The following CLN6 variants were observed in gnomAD, a reference collection of about 807,000 sequenced individuals.
The protein encoded by CLN6 is CLN6 transmembrane ER protein.
A neutral mutation model predicts 33.3 loss-of-function variants in CLN6; 22 were observed. The observed-to-expected ratio is 0.66, with a 90% CI of 0.47 to 0.94. The LOEUF (loss-of-function observed/expected upper bound fraction) is 0.94. Ranked by LOEUF, CLN6 falls within the 40% of genes least tolerant of loss-of-function variation. The probability of loss-of-function intolerance (pLI) is 0.00; values close to 1 mark genes in which losing one functional copy is unlikely to be tolerated. For synonymous variants in CLN6, 201 were observed against 174.6 expected (o/e 1.15, Z -1.19); for missense variants, 387 against 417.1 (o/e 0.93, Z 0.63).
At position 68,208,038 on chromosome 15, in the gene CLN6, G is replaced by C. The variant is rs965994980; in HGVS notation, c.*102C>G. ...CGAGGCACACCCCACTCATGCTCTC[G>C]GTCTCTGGTTACACACCCACACCCC... On this transcript the variant is annotated 3_prime_UTR_variant, in exon 7 of 7. Coordinates refer to ENST00000249806, the MANE Select transcript of CLN6 (RefSeq NM_017882.3). The surrounding 1 kb of genome is among the most constrained non-coding windows in gnomAD (Gnocchi z 5.8). 6.9e-6 allele frequency: 9 copies of C among 1,299,206 alleles called. No homozygotes were observed. Among genetic ancestry groups the C allele is most frequent in the Non-Finnish European group, 9.7e-6 (9 of 927,748 alleles). 80.5% of individuals were successfully genotyped at this position (1,299,206 alleles called of 1,614,324 possible).
chr15:68,215,658 A>G (rs2093218708), intron 2 of CLN6: 1 of 152,156 alleles, frequency 6.6e-6, no homozygotes, highest in South Asian at 2.1e-4. Flanking sequence ...TATTTGTAAA[A>G]ACAGGGTCTT....
chr15:68,257,178 C>T (rs944242766), upstream of CLN6: 4 of 277,436 alleles, frequency 1.4e-5, no homozygotes, highest in Non-Finnish European at 2.7e-5. Context: ...CGCACGCGCC[C>T]GGCGTCGCTG....
rs150170017 is a variant in CLN6, at chr15:68,219,099, T to C, written c.84-449A>G. 3.9e-5 allele frequency among the ~76,000 whole-genome samples: 6 copies of C among 152,328 alleles called. No individual in the cohort carries two copies. The East Asian group carries it at 9.6e-4, about 24-fold the overall frequency. The stretch of plus-strand genomic sequence containing the variant: ...ACAGAAACCTTTCAAGGCTGAAATA[T>C]TACCTCCATTTTAGAAACGAAAAAA... On this transcript the variant is annotated intron_variant, in intron 1 of 6. Coordinates refer to ENST00000249806, the MANE Select transcript of CLN6 (RefSeq NM_017882.3). This position sits in a 1 kb window ranked among gnomAD's most constrained non-coding sequence, Gnocchi z 4.2.
Position 68,229,703 on chromosome 15 carries a change from G to A in CLN6, c.-119C>T. On this transcript the variant is annotated 5_prime_UTR_variant, in exon 1 of 7. Transcript: ENST00000249806. Reference sequence around the variant, plus strand: ...GGGGCGGTTCGGGGCGGGCCGGCGAGAGCGCGCGGCCCTCGGGAGGAACAG... The same window carrying A: ...GGGGCGGTTCGGGGCGGGCCGGCGAAAGCGCGCGGCCCTCGGGAGGAACAG... 3 of 745,772 alleles carry A rather than the reference G, an allele frequency of 4.0e-6. No homozygotes were observed. The highest frequency in any genetic ancestry group is 5.6e-6 in the Non-Finnish European group (3 of 532,330). 46.2% of individuals were successfully genotyped at this position (745,772 alleles called of 1,614,324 possible). A position where few individuals can be genotyped will look rare whatever the true frequency, so the allele number is the denominator to read the frequency against.
chr15:68,237,171 A>G (rs1192919971), intron 1 of CLN6, among the ~76,000 whole-genome samples: 1 of 146,730 alleles, frequency 6.8e-6, no homozygotes, highest in Non-Finnish European at 1.5e-5. Flanking sequence ...CTCAAAAAAA[A>G]AAAAAAAAAA....
chr15:68,211,617 C>G lies in CLN6; in HGVS notation c.486+58G>C. 1 of 1,608,442 alleles carries G rather than the reference C, an allele frequency of 6.2e-7. No individual in the cohort carries two copies. Among genetic ancestry groups the G allele is most frequent in the Non-Finnish European group, 8.5e-7 (1 of 1,179,944 alleles). On this transcript the variant is annotated intron_variant, in intron 4 of 6. Transcript: ENST00000249806. The surrounding 1 kb of genome is among the most constrained non-coding windows in gnomAD (Gnocchi z 5.9). ...GAGGGGTGGGGGCCATTTCTTCAGC[C>G]TCCCAGGACAGACTGTGCTCCTAGG... is the stretch of plus-strand genomic sequence containing the variant.
At position 68,208,855 on chromosome 15, in the gene CLN6, G is replaced by C. The variant is rs1207459631; in HGVS notation, c.666-445C>G. Among the ~76,000 whole-genome samples, 1 of 152,190 alleles carries C rather than the reference G, an allele frequency of 6.6e-6. No homozygotes were observed. Among genetic ancestry groups the C allele is most frequent in the Non-Finnish European group, 1.5e-5 (1 of 68,034 alleles). On this transcript the variant is annotated intron_variant, in intron 6 of 6. Coordinates refer to ENST00000249806, the MANE Select transcript of CLN6 (RefSeq NM_017882.3). This position sits in a 1 kb window ranked among gnomAD's most constrained non-coding sequence, Gnocchi z 5.8. ...TGCCACCCATTCTTTTTAATCCCCA[G>C]AGAGCATACAGATGAGCCCCAGTGG...
chr15:68,210,732 G>T lies in CLN6; in HGVS notation c.542+531C>A, dbSNP rs1204288483. On this transcript the variant is annotated intron_variant, in intron 5 of 6. Transcript: ENST00000249806. This position sits in a 1 kb window ranked among gnomAD's most constrained non-coding sequence, Gnocchi z 5.6. ...CCCGACTGAGGGACGGGGTAGGTAG[G>T]AAAAGGTGCCCCTCTGGGAGTTCTG... 6.6e-6 allele frequency among the ~76,000 whole-genome samples: 1 copy of T among 152,170 alleles called. No homozygotes were observed. Among genetic ancestry groups the T allele is most frequent in the Non-Finnish European group, 1.5e-5 (1 of 68,020 alleles).
At chr15:68,233,377 C>T (rs933407265), upstream of CLN6, among the ~76,000 whole-genome samples, 13 of 152,224 alleles carry the variant, frequency 8.5e-5, no homozygotes, top group African/African-American at 2.6e-4. The surrounding 1 kb of genome is among the most constrained non-coding windows in gnomAD (Gnocchi z 4.3). Flanking sequence ...CTTATGGTTA[C>T]AAGGCCGTGG....
At chr15:68,251,005 C>T (rs1231717298) in intron 1 of CLN6, among the ~76,000 whole-genome samples, 1 of 151,998 alleles carries the variant, frequency 6.6e-6, no homozygotes, top group Non-Finnish European at 1.5e-5. Flanking sequence ...AGACCAGAAT[C>T]TCTGATGAAC....
rs779685727 is a variant in CLN6, at chr15:68,211,315, C to G, written c.490G>C (p.Asp164His). Residue 164 changes from aspartate (D) to histidine (H), a missense_variant, in exon 5 of 7, where the codon GAC becomes CAC. Coordinates refer to ENST00000249806, the MANE Select transcript of CLN6 (RefSeq NM_017882.3). The surrounding 1 kb of genome is among the most constrained non-coding windows in gnomAD (Gnocchi z 5.9). ...IKNLKPETLI[D>H]SFELLYYYDE... ...TAATAGTAGAGCAGCTCAAAGGAGT[C>G]GATCTGAGGGAGGAACGGGCAGGGC... 1.2e-6 allele frequency: 2 copies of G among 1,613,926 alleles called. No homozygotes were observed. Among genetic ancestry groups the G allele is most frequent in the East Asian group, 2.2e-5 (1 of 44,878 alleles).
chr15:68,244,643 GAACA>G (rs1168914217), intron 1 of CLN6, among the ~76,000 whole-genome samples: 1 of 152,030 alleles, frequency 6.6e-6, no homozygotes, highest in African/African-American at 2.4e-5. Flanking sequence ...GTAAAATTAA[GAACA>G]AAGACAACCC....
Position 68,211,475 on chromosome 15 carries a change from G to T in CLN6, c.487-157C>A. 3 of 1,543,096 alleles carry T rather than the reference G, an allele frequency of 1.9e-6. No individual in the cohort carries two copies. The highest frequency in any genetic ancestry group is 3.6e-5 in the Admixed American group (2 of 55,746). On this transcript the variant is annotated intron_variant, in intron 4 of 6. Transcript: ENST00000249806. The surrounding 1 kb of genome is among the most constrained non-coding windows in gnomAD (Gnocchi z 5.9). The stretch of plus-strand genomic sequence containing the variant: ...CGGGGCCTCGCCTTCTGTTACAGGG[G>T]CCCAGGTGGGAGGCAGTCTGTGCAC...
chr15:68,211,646 T>A lies in CLN6; in HGVS notation c.486+29A>T, dbSNP rs2093205519. The A allele has an allele frequency of 6.2e-7, 1 of 1,612,128 alleles. No homozygotes were observed. Among genetic ancestry groups the A allele is most frequent in the African/African-American group, 1.3e-5 (1 of 74,896 alleles). The stretch of plus-strand genomic sequence containing the variant: ...CAGGACAGACTGTGCTCCTAGGGCT[T>A]ACAGGCAGGGAGCAGGAGGTGGCCT... On this transcript the variant is annotated intron_variant, in intron 4 of 6. Transcript: ENST00000249806. The surrounding 1 kb of genome is among the most constrained non-coding windows in gnomAD (Gnocchi z 5.9).
intron 1 of CLN6, among the ~76,000 whole-genome samples, chr15:68,243,152 G>C (rs1892293549): frequency 6.6e-6 from 1 of 152,184 alleles, no homozygotes; most frequent in Non-Finnish European, 1.5e-5. Context: ...TAACCTAAAA[G>C]AGTAATGGAA....
At chr15:68,245,492 G>T (rs1892321920) in intron 1 of CLN6, among the ~76,000 whole-genome samples, 1 of 152,038 alleles carries the variant, frequency 6.6e-6, no homozygotes, top group Non-Finnish European at 1.5e-5. Flanking sequence ...CTGAGTCGAG[G>T]GAAGTTGAGG....
Position 68,227,080 on chromosome 15 carries a change from C to T in CLN6, c.83+2422G>A, listed in dbSNP as rs1261255646. Among the ~76,000 whole-genome samples the T allele has an allele frequency of 6.6e-6, 1 of 151,474 alleles. No homozygotes were observed. Among genetic ancestry groups the T allele is most frequent in the East Asian group, 1.9e-4 (1 of 5,164 alleles). Reference sequence around the variant, plus strand: ...TTTTTGAGACAGTCTCACTGTCATCCAGGCTGGAGTGCAGTGGCGCCATCT... The same window carrying T: ...TTTTTGAGACAGTCTCACTGTCATCTAGGCTGGAGTGCAGTGGCGCCATCT... On this transcript the variant is annotated intron_variant, in intron 1 of 6. Transcript: ENST00000249806. This position sits in a 1 kb window ranked among gnomAD's most constrained non-coding sequence, Gnocchi z 4.1.
rs1853967816 is a variant in CLN6 at position 68,220,102 on chromosome 15, G to A, written c.84-1452C>T. Among the ~76,000 whole-genome samples the A allele has an allele frequency of 6.6e-6, 1 of 152,222 alleles. No individual in the cohort carries two copies. The highest frequency in any genetic ancestry group is 1.9e-4 in the East Asian group (1 of 5,196). On this transcript the variant is annotated intron_variant, in intron 1 of 6. Coordinates refer to ENST00000249806, the MANE Select transcript of CLN6 (RefSeq NM_017882.3). The surrounding 1 kb of genome is among the most constrained non-coding windows in gnomAD (Gnocchi z 4.2). ...AGGATGATCCATACTGGCTGGTAGA[G>A]TACCCCAGGACAGGGAGGCAAGCTC... is the stretch of plus-strand genomic sequence containing the variant.
At chr15:68,212,042 G>T in intron 3 of CLN6, 179 bp from the exon 4 acceptor site, 1 of 633,040 alleles carries the variant, frequency 1.6e-6, no homozygotes, top group South Asian at 1.9e-5. Context: ...TGACCCCTAT[G>T]AACCCCGGAG....
Sources: allele counts gnomAD v4.1 joint callset (sites outside exome capture counted in the v4.1 genomes callset), GRCh38; gene constraint gnomAD v4.1.1; non-coding constraint Gnocchi (gnomAD v3.1); transcripts MANE v1.5; gene names NCBI Gene and HGNC (gene_info 2026-07-23, HGNC 2026-07-21).